RB1CC1: variants seen among roughly 807,000 people sequenced by gnomAD.
RB1CC1 encodes RB1 inducible coiled-coil 1.
Under a neutral mutation model 177.5 loss-of-function variants are expected in RB1CC1, and 46 were observed. That is an observed-to-expected ratio of 0.26 (90% confidence interval 0.20 to 0.33). The LOEUF is 0.33. Ranked by LOEUF, RB1CC1 falls within the 10% of genes least tolerant of loss-of-function variation. RB1CC1 has a pLI of 1.00. For synonymous variants in RB1CC1, 666 were observed against 613.6 expected, an observed-to-expected ratio of 1.09 and a Z score of -1.26; for missense variants, 1,703 against 1,816.3, an observed-to-expected ratio of 0.94 and a Z score of 1.13.
rs970048588 is a variant in RB1CC1, at chr8:52,622,887, T to C, written c.*895A>G. ...TATCCTTCTTTAAAAGGCACACACA[T>C]TTACAGGTTCAAATCTTTATTGTTT... On this transcript the variant is annotated 3_prime_UTR_variant, in exon 24 of 24. Transcript: ENST00000025008. 6.6e-6 allele frequency: 1 copy of C among 152,278 alleles called. No homozygotes were observed. Among genetic ancestry groups the C allele is most frequent in the Admixed American group, 6.6e-5 (1 of 15,242 alleles). The allele number at this position is 152,278 out of a possible 1,614,324, so 9.4% of individuals were successfully genotyped here.
intron 5 of RB1CC1, among the ~76,000 whole-genome samples, chr8:52,679,414 CTGTT>C (rs1307623579): frequency 6.6e-6 from 1 of 152,198 alleles, no homozygotes; most frequent in Non-Finnish European, 1.5e-5. Flanking sequence ...CTCTGTCTTA[CTGTT>C]TATTGTTTAT....
At chr8:52,627,244 A>C (rs60173373) in intron 22 of RB1CC1, among the ~76,000 whole-genome samples, 29,245 of 150,256 alleles carry the variant, frequency 0.19, 2,973 homozygotes, top group Middle Eastern at 0.29. Context: ...CTACTCGGGA[A>C]GCTGAGGCAG....
chr8:52,688,235 A>G (rs1854462697), intron 1 of RB1CC1, among the ~76,000 whole-genome samples: 1 of 152,180 alleles, frequency 6.6e-6, no homozygotes, highest in Non-Finnish European at 1.5e-5. Flanking sequence ...ATAAGGTCTG[A>G]CTGCCTGCAG....
At chr8:52,704,074 A>G (rs1490493152) in intron 1 of RB1CC1, among the ~76,000 whole-genome samples, 1 of 152,212 alleles carries the variant, frequency 6.6e-6, no homozygotes. Flanking sequence ...TCAGTAACCA[A>G]GTACATATTT....
At chr8:52,627,666 TTAA>T (rs1231098913) in intron 22 of RB1CC1, among the ~76,000 whole-genome samples, 3 of 152,094 alleles carry the variant, frequency 2.0e-5, no homozygotes, top group Admixed American at 2.0e-4. Context: ...ATTTTATAAT[TTAA>T]GAAAGTTTTT....
intron 18 of RB1CC1, among the ~76,000 whole-genome samples, chr8:52,637,623 C>T (rs1465320669): frequency 6.6e-6 from 1 of 151,908 alleles, no homozygotes; most frequent in African/African-American, 2.4e-5. Context: ...GCTATGTATG[C>T]AAATAGTGTT....
intron 16 of RB1CC1, chr8:52,643,345 T>G (rs894027834): frequency 1.3e-5 from 2 of 152,268 alleles, no homozygotes; most frequent in African/African-American, 4.8e-5. Flanking sequence ...ATGGATCTCA[T>G]GAGACAATCT....
rs1371283591 is a variant in RB1CC1 at position 52,705,102 on chromosome 8, G to A, written c.-167+8973C>T. On this transcript the variant is annotated intron_variant, in intron 1 of 23. Transcript: ENST00000025008. ...CTACCATATATACTGAGACTTCGTA[G>A]GACAGAACAACTGTCAAAACATGTC... Among the ~76,000 whole-genome samples the A allele has an allele frequency of 2.0e-5, 3 of 152,066 alleles. No individual in the cohort carries two copies. In the East Asian group the frequency reaches 5.8e-4, roughly 29 times the overall value.
chr8:52,670,623 TCC>T (rs1394024484), intron 7 of RB1CC1, among the ~76,000 whole-genome samples: 26 of 152,320 alleles, frequency 1.7e-4, no homozygotes, highest in East Asian at 7.7e-4. Context: ...TGCAGACACT[TCC>T]AATTATTAAT....
chr8:52,669,011 T>A (rs2150532587), intron 7 of RB1CC1, among the ~76,000 whole-genome samples: 1 of 152,364 alleles, frequency 6.6e-6, no homozygotes, highest in South Asian at 2.1e-4. Flanking sequence ...GTTCTCAATA[T>A]GATTTCAGCA....
rs759840552 is a variant in RB1CC1 at position 52,636,162 on chromosome 8, A to C, written c.4338-93T>G. On this transcript the variant is annotated intron_variant, in intron 18 of 23. Transcript: ENST00000025008. ...TTAAAATATTAATACAGATCACTTT[A>C]ACAATTTAAGGGTTTTCATAAATTT... 3.7e-6 allele frequency: 5 copies of C among 1,360,844 alleles called. No individual in the cohort carries two copies. The East Asian group carries it at 1.0e-4, about 27-fold the overall frequency. The allele number at this position is 1,360,844 out of a possible 1,614,324, so 84.3% of individuals were successfully genotyped here. A position where few individuals can be genotyped will look rare whatever the true frequency, so the allele number is the denominator to read the frequency against.
At chr8:52,679,312 C>A (rs2150576230) in intron 5 of RB1CC1, among the ~76,000 whole-genome samples, 1 of 152,318 alleles carries the variant, frequency 6.6e-6, no homozygotes, top group Middle Eastern at 3.4e-3. Context: ...TGCTGAATTT[C>A]ACCTTCACAA....
intron 7 of RB1CC1, among the ~76,000 whole-genome samples, chr8:52,672,906 A>G (rs943236427): frequency 1.3e-5 from 2 of 152,228 alleles, no homozygotes; most frequent in Non-Finnish European, 2.9e-5. Flanking sequence ...TTTGCATAAC[A>G]TATTACATAC....
chr8:52,633,916 C>T (rs1265252934), intron 20 of RB1CC1, among the ~76,000 whole-genome samples: 9 of 152,006 alleles, frequency 5.9e-5, no homozygotes, highest in Non-Finnish European at 1.3e-4. Flanking sequence ...TGGTGAAACC[C>T]CATCTCTACG....
chr8:52,668,295 G>C lies in RB1CC1; in HGVS notation c.1003-104C>G, dbSNP rs1202397784. On this transcript the variant is annotated intron_variant, in intron 7 of 23. Coordinates refer to ENST00000025008, the MANE Select transcript of RB1CC1 (RefSeq NM_014781.5). ...GCTTGAGAGAAAATAAGTGATAAAA[G>C]ATATAAAAAAGCAAAAGCATGGGAA... 5.9e-6 allele frequency: 8 copies of C among 1,356,954 alleles called. No individual in the cohort carries two copies. In the South Asian group the frequency reaches 5.9e-5, roughly 10 times the overall value. The allele number at this position is 1,356,954 out of a possible 1,614,324, so 84.1% of individuals were successfully genotyped here. A position where few individuals can be genotyped will look rare whatever the true frequency, so the allele number is the denominator to read the frequency against.
At chr8:52,635,380 T>C (rs1849055439) in intron 19 of RB1CC1, among the ~76,000 whole-genome samples, 2 of 152,140 alleles carry the variant, frequency 1.3e-5, no homozygotes, top group Non-Finnish European at 2.9e-5. Context: ...TATATTCAAA[T>C]GAAGTTGTAC....
intron 20 of RB1CC1, among the ~76,000 whole-genome samples, chr8:52,634,351 T>C (rs1179531785): frequency 6.6e-6 from 1 of 152,034 alleles, no homozygotes; most frequent in Non-Finnish European, 1.5e-5. Context: ...GGAGAAATCC[T>C]GTCTCTATTA....
At chr8:52,659,598 T>C (rs1254952997) in intron 12 of RB1CC1, among the ~76,000 whole-genome samples, 1 of 151,848 alleles carries the variant, frequency 6.6e-6, no homozygotes, top group Non-Finnish European at 1.5e-5. Flanking sequence ...TAAAAAAGAG[T>C]TCTCGGATAA....
intron 1 of RB1CC1, among the ~76,000 whole-genome samples, chr8:52,698,048 T>C (rs751430887): frequency 6.6e-6 from 1 of 152,188 alleles, no homozygotes; most frequent in Non-Finnish European, 1.5e-5. Flanking sequence ...GGATTTAAAA[T>C]GTTACGGATA....
Sources: gnomAD v4.1 joint callset for allele counts (sites outside exome capture counted in the v4.1 genomes callset) on GRCh38, gnomAD v4.1.1 for gene constraint, MANE v1.5 for transcripts, NCBI Gene and HGNC (gene_info 2026-07-23, HGNC 2026-07-21) for gene names.